HDLBP: variants seen among roughly 807,000 people sequenced by gnomAD.
HDLBP encodes vigilin.
HDLBP carries 30 observed loss-of-function variants against 137.3 expected under a neutral mutation model. The ratio of observed to expected loss-of-function variants is 0.22; its 90% CI spans 0.16 to 0.30. HDLBP has a LOEUF of 0.30. Among genes scored for constraint, HDLBP ranks in the 10% least tolerant of loss-of-function variants. The pLI is 1.00. For missense variants in HDLBP, 1,119 were observed against 1,667.3 expected (o/e 0.67, Z 5.73); for synonymous variants, 606 against 596.0 (o/e 1.02, Z -0.24).
intron 20 of HDLBP, among the ~76,000 whole-genome samples, chr2:241,237,153 C>T (rs958696802): frequency 3.3e-5 from 5 of 152,168 alleles, no homozygotes; most frequent in Admixed American, 1.3e-4. Context: ...ACAAGTGAGG[C>T]TTGACTGTGA....
intron 12 of HDLBP, chr2:241,249,344 G>C: frequency 2.1e-6 from 1 of 471,324 alleles, no homozygotes; most frequent in Non-Finnish European, 4.4e-6. Context: ...TTCAAGTGTG[G>C]GTATCTGACT....
At chr2:241,285,458 C>T (rs1190274885) in intron 1 of HDLBP, among the ~76,000 whole-genome samples, 1 of 152,162 alleles carries the variant, frequency 6.6e-6, no homozygotes, top group Non-Finnish European at 1.5e-5. Context: ...CCTCCATAAA[C>T]GACCTGATGA....
At chr2:241,236,977 T>TGGG (rs530665718) in intron 20 of HDLBP, among the ~76,000 whole-genome samples, 1 of 108,248 alleles carries the variant, frequency 9.2e-6, no homozygotes, top group African/African-American at 3.9e-5. Flanking sequence ...TCCCAGACCT[T>TGGG]GGGGGGGGGG....
intron 1 of HDLBP, among the ~76,000 whole-genome samples, chr2:241,313,733 T>C (rs544646433): frequency 8.5e-5 from 13 of 152,162 alleles, no homozygotes; most frequent in African/African-American, 2.9e-4. Flanking sequence ...CCTGGAAAAA[T>C]ACGTATTTAC....
intron 5 of HDLBP, among the ~76,000 whole-genome samples, chr2:241,261,039 C>CA (rs11382181): frequency 0.56 from 83,520 of 149,742 alleles, 23,546 homozygotes; most frequent in Middle Eastern, 0.7. Context: ...AAAAAACAAA[C>CA]AAAAAAAAAG....
intron 1 of HDLBP, chr2:241,270,870 G>C (rs2149571329): frequency 1.5e-6 from 1 of 672,484 alleles, no homozygotes; most frequent in South Asian, 6.6e-5. Flanking sequence ...CCCAAGAACA[G>C]AGGCTAACAT....
intron 1 of HDLBP, among the ~76,000 whole-genome samples, chr2:241,297,705 G>C (rs2075232014): frequency 6.6e-6 from 1 of 151,974 alleles, no homozygotes; most frequent in Non-Finnish European, 1.5e-5. Context: ...GGTACATGAA[G>C]AGCCCAGAAT....
intron 24 of HDLBP, among the ~76,000 whole-genome samples, chr2:241,232,339 G>A (rs546820479): frequency 6.6e-6 from 1 of 150,792 alleles, no homozygotes; most frequent in African/African-American, 2.4e-5. Context: ...GCAATGGCAT[G>A]ATCTCAGCTC....
At chr2:241,265,037 CA>C (rs1432880394) in intron 3 of HDLBP, among the ~76,000 whole-genome samples, 1 of 152,218 alleles carries the variant, frequency 6.6e-6, no homozygotes, top group East Asian at 1.9e-4. Flanking sequence ...CCTGCATTTG[CA>C]AAACAATGGT....
chr2:241,254,992 A>G, intron 9 of HDLBP, 59 bp downstream of exon 9: 1 of 1,321,958 alleles, frequency 7.6e-7, no homozygotes, highest in Non-Finnish European at 1.1e-6. Flanking sequence ...GCAATATCAG[A>G]AACAGAAAGA....
intron 1 of HDLBP, among the ~76,000 whole-genome samples, chr2:241,288,986 A>G (rs571745435): frequency 6.6e-6 from 1 of 152,374 alleles, no homozygotes; most frequent in East Asian, 1.9e-4. Context: ...TTTACATAGG[A>G]AAGTTCTATG....
chr2:241,284,653 A>G (rs984182198), intron 1 of HDLBP, among the ~76,000 whole-genome samples: 1 of 152,236 alleles, frequency 6.6e-6, no homozygotes, highest in Non-Finnish European at 1.5e-5. Flanking sequence ...GGAAAATGCA[A>G]TCAAACAACA....
chr2:241,246,204 C>T (rs1250976598), intron 16 of HDLBP, among the ~76,000 whole-genome samples: 2 of 150,542 alleles, frequency 1.3e-5, no homozygotes, highest in Admixed American at 6.7e-5. Flanking sequence ...CACACAAAAG[C>T]GTAGACAATC....
At chr2:241,243,971 C>G (rs1165234410) in intron 16 of HDLBP, among the ~76,000 whole-genome samples, 1 of 151,862 alleles carries the variant, frequency 6.6e-6, no homozygotes, top group African/African-American at 2.4e-5. Flanking sequence ...CAGCCAAGGA[C>G]AGAAAAACAG....
At chr2:241,263,352 A>G (rs1389961886) in intron 4 of HDLBP, among the ~76,000 whole-genome samples, 2 of 152,248 alleles carry the variant, frequency 1.3e-5, no homozygotes, top group Non-Finnish European at 2.9e-5. Flanking sequence ...TGCACACACC[A>G]GAGGGGGACA....
rs538618074 is a variant in HDLBP at position 241,228,928 on chromosome 2, C to T, written c.*673G>A. The T allele has an allele frequency of 6.5e-6, 1 of 152,834 alleles. No individual in the cohort carries two copies. 9.5% of individuals were successfully genotyped at this position (152,834 alleles called of 1,614,324 possible). ...CAGGCTCCACTCACCAGACCTCAGGCTGAGGGTCTGGCAGTGGAGGTAGGG... is the reference window on the plus strand; with the variant it reads ...CAGGCTCCACTCACCAGACCTCAGGTTGAGGGTCTGGCAGTGGAGGTAGGG... On this transcript the variant is annotated 3_prime_UTR_variant, in exon 28 of 28. Transcript: ENST00000310931.
At position 241,233,706 on chromosome 2, in the gene HDLBP, A is replaced by T; in HGVS notation, c.3288+114T>A. ...AGAATTAGGTCCTGAGAGACTTGCC[A>T]CTCTCAACTTGGCCCTCGAACCCCC... is the stretch of plus-strand genomic sequence containing the variant. On this transcript the variant is annotated intron_variant, in intron 24 of 27. Coordinates refer to ENST00000310931, the MANE Select transcript of HDLBP (RefSeq NM_005336.6). The surrounding 1 kb of genome is among the most constrained non-coding windows in gnomAD (Gnocchi z 4.3). 1.8e-6 allele frequency: 2 copies of T among 1,135,098 alleles called. No homozygotes were observed. Among genetic ancestry groups the T allele is most frequent in the Non-Finnish European group, 2.6e-6 (2 of 779,980 alleles). 70.3% of individuals were successfully genotyped at this position (1,135,098 alleles called of 1,614,324 possible).
chr2:241,287,786 A>G (rs895322609), intron 1 of HDLBP, among the ~76,000 whole-genome samples: 18 of 152,228 alleles, frequency 1.2e-4, no homozygotes, highest in African/African-American at 3.4e-4. Context: ...TTGTACATGC[A>G]TAAGACCTCT....
chr2:241,236,624 T>C lies in HDLBP; in HGVS notation c.2895A>G (p.Glu965=). 6.2e-7 allele frequency: 1 copy of C among 1,614,002 alleles called. No individual in the cohort carries two copies. Among genetic ancestry groups the C allele is most frequent in the Non-Finnish European group, 8.5e-7 (1 of 1,179,946 alleles). ...GRKEKCEAAK[E]ALEALVPVTI... The stretch of plus-strand genomic sequence containing the variant: ...GCACATGGACACATACCTCCAGAGC[T>C]TCCTTGGCAGCCTCACACTTTTCTT... Residue 965 remains glutamate, a synonymous_variant, in exon 21 of 28, where the codon GAA becomes GAG. Coordinates refer to ENST00000310931, the MANE Select transcript of HDLBP (RefSeq NM_005336.6).
Sources: gnomAD v4.1 joint callset for allele counts (sites outside exome capture counted in the v4.1 genomes callset) on GRCh38, gnomAD v4.1.1 for gene constraint, Gnocchi (gnomAD v3.1) non-coding constraint, MANE v1.5 for transcripts, NCBI Gene and HGNC (gene_info 2026-07-23, HGNC 2026-07-21) for gene names.